Variants in DIRAS2 observed in about 807,000 individuals in gnomAD.
DIRAS2 encodes DIRAS family GTPase 2.
DIRAS2 carries 5 observed loss-of-function variants against 13.9 expected under a neutral mutation model. The observed-to-expected ratio is 0.36, with a 90% CI of 0.19 to 0.76. The LOEUF is 0.76. Ranked by LOEUF, DIRAS2 falls within the 30% of genes least tolerant of loss-of-function variation. DIRAS2 has a pLI of 0.53. For synonymous variants in DIRAS2, 111 were observed against 105.4 expected (o/e 1.05, Z -0.33); for missense variants, 191 against 263.0 (o/e 0.73, Z 1.89).
rs973183369 is a variant in DIRAS2 at position 90,612,097 on chromosome 9, G to A, written c.*1131C>T. The A allele has an allele frequency of 3.3e-5, 5 of 152,606 alleles. No homozygotes were observed. The highest frequency in any genetic ancestry group is 1.2e-4 in the African/African-American group (5 of 41,442). 9.5% of individuals were successfully genotyped at this position (152,606 alleles called of 1,614,324 possible). On this transcript the variant is annotated 3_prime_UTR_variant, in exon 2 of 2. Coordinates refer to ENST00000375765, the MANE Select transcript of DIRAS2 (RefSeq NM_017594.5). ...ACAGCTCTTAGAAGACACGTATAAT[G>A]GAACATGCAAGAGAATTTACTATTA...
intron 1 of DIRAS2, among the ~76,000 whole-genome samples, chr9:90,626,360 T>C (rs1339735053): frequency 6.7e-6 from 1 of 149,636 alleles, no homozygotes. Context: ...TAGTCCAAAC[T>C]ACCAGAGAGA....
Position 90,613,483 on chromosome 9 carries a change from G to A in DIRAS2, c.345C>T (p.Pro115=). 3 of 1,614,054 alleles carry A rather than the reference G, an allele frequency of 1.9e-6. No individual in the cohort carries two copies. The highest frequency in any genetic ancestry group is 1.3e-5 in the African/African-American group (1 of 74,988). The change falls in exon 2 of 2, where the codon CCC becomes CCT. Residue 115 remains proline (P), a synonymous_variant. Transcript: ENST00000375765. The surrounding 1 kb of genome is among the most constrained non-coding windows in gnomAD (Gnocchi z 5.6). The part of the protein sequence containing the change: ...CEIKGDVESI[P]IMLVGNKCDE... ...CACACTTGTTCCCCACCAGCATGAT[G>A]GGGATGCTCTCCACGTCCCCTTTGA...
chr9:90,628,040 G>A (rs1375778519), intron 1 of DIRAS2, among the ~76,000 whole-genome samples: 2 of 150,828 alleles, frequency 1.3e-5, no homozygotes, highest in African/African-American at 2.4e-5. Context: ...AAAAGAAAAA[G>A]AAAAAAAAAT....
chr9:90,616,607 T>C (rs1825171622), intron 1 of DIRAS2, among the ~76,000 whole-genome samples: 1 of 152,078 alleles, frequency 6.6e-6, no homozygotes, highest in African/African-American at 2.4e-5. Context: ...AATAACTCCA[T>C]AGTGATCTTC....
chr9:90,617,766 AT>A (rs1404404804), intron 1 of DIRAS2, among the ~76,000 whole-genome samples: 2 of 152,238 alleles, frequency 1.3e-5, no homozygotes, highest in Non-Finnish European at 1.5e-5. Flanking sequence ...AACCAACTGT[AT>A]TTCTATACAC....
In DIRAS2 at chr9:90,613,714, C is replaced by T. The variant is rs1217775764; in HGVS notation, c.114G>A (p.Pro38=). ...VKGTFRESYI[P]TVEDTYRQVI... ...CTTGCCGGTAGGTGTCTTCCACCGT[C>T]GGGATGTAGCTCTCCCGGAATGTGC... The change falls in exon 2 of 2, where the codon CCG becomes CCA. Residue 38 remains proline, a synonymous_variant. Transcript: ENST00000375765. This position sits in a 1 kb window ranked among gnomAD's most constrained non-coding sequence, Gnocchi z 5.6. 4 of 1,614,104 alleles carry T rather than the reference C, an allele frequency of 2.5e-6. No homozygotes were observed. Among genetic ancestry groups the T allele is most frequent in the East Asian group, 2.2e-5 (1 of 44,868 alleles).
chr9:90,621,564 C>T lies in DIRAS2; in HGVS notation c.-36-7701G>A, dbSNP rs531458196. Among the ~76,000 whole-genome samples the T allele has an allele frequency of 1.5e-4, 23 of 152,248 alleles. 1 individual carries two copies. In the South Asian group the frequency reaches 4.4e-3, roughly 29 times the overall value. ...ACACTTTAAAACAAAAAAAAATTGACACAATGTATGTATTTGGTTAAAAAA... is the reference window on the plus strand; with the variant it reads ...ACACTTTAAAACAAAAAAAAATTGATACAATGTATGTATTTGGTTAAAAAA... On this transcript the variant is annotated intron_variant, in intron 1 of 1. Transcript: ENST00000375765.
intron 1 of DIRAS2, among the ~76,000 whole-genome samples, chr9:90,628,028 AAAAAAG>A (rs1825288212): frequency 7.9e-6 from 1 of 126,454 alleles, no homozygotes; most frequent in African/African-American, 2.5e-5. Context: ...TAAAATTTAA[AAAAAAG>A]AAAAAGAAAA....
At chr9:90,617,294 T>TA (rs1232585022) in intron 1 of DIRAS2, among the ~76,000 whole-genome samples, 3 of 152,136 alleles carry the variant, frequency 2.0e-5, no homozygotes, top group Non-Finnish European at 4.4e-5. Flanking sequence ...ATGGGGGAGA[T>TA]ATCTGGTAGG....
At position 90,630,380 on chromosome 9, in the gene DIRAS2, T is replaced by TA. The variant is rs1165502116; in HGVS notation, c.-37+12371dup. ...GGCAACGGCAATTGAAATAAAAACT[T>TA]ACACAAAGATATGTGATAACGTGAT... On this transcript the variant is annotated intron_variant, in intron 1 of 1. Coordinates refer to ENST00000375765, the MANE Select transcript of DIRAS2 (RefSeq NM_017594.5). Among the ~76,000 whole-genome samples the TA allele has an allele frequency of 9.8e-5, 15 of 152,330 alleles. No individual in the cohort carries two copies. In the East Asian group the frequency reaches 2.9e-3, roughly 29 times the overall value.
intron 1 of DIRAS2, among the ~76,000 whole-genome samples, chr9:90,623,375 C>T (rs1011277881): frequency 3.3e-5 from 5 of 152,144 alleles, no homozygotes; most frequent in Non-Finnish European, 5.9e-5. Flanking sequence ...CTGTTATTTT[C>T]CTTTTCTTGA....
At position 90,612,312 on chromosome 9, in the gene DIRAS2, T is replaced by G. The variant is rs896361914; in HGVS notation, c.*916A>C. ...TGGCTGCTACCCAGCTGGGTACAGA[T>G]CGAGTTATTTAAGAGAAGAAAACCA... is the stretch of plus-strand genomic sequence containing the variant. On this transcript the variant is annotated 3_prime_UTR_variant, in exon 2 of 2. Coordinates refer to ENST00000375765, the MANE Select transcript of DIRAS2 (RefSeq NM_017594.5). The G allele has an allele frequency of 2.0e-5, 3 of 152,554 alleles. No homozygotes were observed. In the South Asian group the frequency reaches 6.2e-4, roughly 32 times the overall value. 9.5% of individuals were successfully genotyped at this position (152,554 alleles called of 1,614,324 possible). A position where few individuals can be genotyped will look rare whatever the true frequency, so the allele number is the denominator to read the frequency against.
intron 1 of DIRAS2, among the ~76,000 whole-genome samples, chr9:90,618,639 A>G (rs1825190975): frequency 6.6e-6 from 1 of 152,194 alleles, no homozygotes; most frequent in Non-Finnish European, 1.5e-5. Flanking sequence ...TATAAATCAT[A>G]TATCTGATAA....
intron 1 of DIRAS2, among the ~76,000 whole-genome samples, chr9:90,628,599 GC>G (rs1825293860): frequency 6.6e-6 from 1 of 152,108 alleles, no homozygotes; most frequent in South Asian, 2.1e-4. Context: ...AGGCTGGAGT[GC>G]AGTGCCTCAC....
intron 1 of DIRAS2, among the ~76,000 whole-genome samples, chr9:90,616,021 T>C (rs537671162): frequency 2.2e-4 from 33 of 152,348 alleles, no homozygotes; most frequent in Non-Finnish European, 3.8e-4. Flanking sequence ...ATTATGGTTA[T>C]GTAGCTCCAG....
At chr9:90,622,820 C>T (rs1012269407) in intron 1 of DIRAS2, among the ~76,000 whole-genome samples, 8 of 152,100 alleles carry the variant, frequency 5.3e-5, no homozygotes, top group African/African-American at 1.9e-4. Flanking sequence ...AGGATCCATT[C>T]GAAATTGCTT....
intron 1 of DIRAS2, among the ~76,000 whole-genome samples, chr9:90,640,337 G>A (rs148602211): frequency 6.6e-6 from 1 of 152,286 alleles, no homozygotes; most frequent in African/African-American, 2.4e-5. Context: ...GAATGAGGGA[G>A]CATTTGTTTT....
intron 1 of DIRAS2, among the ~76,000 whole-genome samples, chr9:90,623,572 T>C (rs1454620457): frequency 6.6e-6 from 1 of 152,218 alleles, no homozygotes; most frequent in Non-Finnish European, 1.5e-5. Flanking sequence ...ATTAGGCCTA[T>C]TGGGCCTAGA....
In DIRAS2 at chr9:90,613,224, G is replaced by C; in HGVS notation, c.*4C>G. The C allele has an allele frequency of 6.2e-7, 1 of 1,608,880 alleles. No homozygotes were observed. The highest frequency in any genetic ancestry group is 8.5e-7 in the Non-Finnish European group (1 of 1,177,382). On this transcript the variant is annotated 3_prime_UTR_variant, in exon 2 of 2. Transcript: ENST00000375765. This position sits in a 1 kb window ranked among gnomAD's most constrained non-coding sequence, Gnocchi z 5.6. ...CACAGCTGCTCCTCCCGCAGGAAGG[G>C]CCTTCACATGATCACGCACTTGCCT...
Sources: gnomAD v4.1 joint callset for allele counts (sites outside exome capture counted in the v4.1 genomes callset) on GRCh38, gnomAD v4.1.1 for gene constraint, Gnocchi (gnomAD v3.1) non-coding constraint, MANE v1.5 for transcripts, NCBI Gene and HGNC (gene_info 2026-07-23, HGNC 2026-07-21) for gene names.